PRKG1: variants seen among roughly 807,000 people sequenced by gnomAD.
PRKG1 encodes protein kinase cGMP-dependent 1.
A neutral mutation model predicts 88.1 loss-of-function variants in PRKG1; 35 were observed. The observed-to-expected ratio is 0.40, with a 90% CI of 0.30 to 0.53. The LOEUF (loss-of-function observed/expected upper bound fraction) is 0.53. Ranked by LOEUF, PRKG1 falls within the 20% of genes least tolerant of loss-of-function variation. PRKG1 has a pLI of 0.59. For synonymous variants in PRKG1, 303 were observed against 292.5 expected (o/e 1.04, Z -0.37); for missense variants, 540 against 839.8 (o/e 0.64, Z 4.41).
At chr10:51,444,159 T>G (rs1393382440) in intron 2 of PRKG1, among the ~76,000 whole-genome samples, 1 of 150,996 alleles carries the variant, frequency 6.6e-6, no homozygotes, top group Non-Finnish European at 1.5e-5. Flanking sequence ...CAGCTGTATA[T>G]TACAGTAACT....
At chr10:51,872,507 A>G (rs981334618) in intron 4 of PRKG1, among the ~76,000 whole-genome samples, 1 of 152,188 alleles carries the variant, frequency 6.6e-6, no homozygotes, top group Admixed American at 6.5e-5. Flanking sequence ...AAATTCAATA[A>G]GGCATTCTTC....
chr10:51,908,270 G>T (rs1779569843), intron 5 of PRKG1: 1 of 152,186 alleles, frequency 6.6e-6, no homozygotes, highest in Admixed American at 6.5e-5. Flanking sequence ...AGATACATTG[G>T]TGGTGTAGGA....
chr10:51,996,801 C>T (rs956409427), intron 5 of PRKG1, among the ~76,000 whole-genome samples: 4 of 151,924 alleles, frequency 2.6e-5, no homozygotes, highest in Non-Finnish European at 4.4e-5. Context: ...CCAAAGGAAA[C>T]GAAATCAGTA....
chr10:51,561,072 C>A (rs1407611269), intron 3 of PRKG1, among the ~76,000 whole-genome samples: 1 of 150,726 alleles, frequency 6.6e-6, no homozygotes, highest in African/African-American at 2.4e-5. Context: ...CATAGTGAGA[C>A]CCTGTATCTA....
At chr10:52,245,492 G>A (rs1054410711) in intron 9 of PRKG1, among the ~76,000 whole-genome samples, 2 of 152,090 alleles carry the variant, frequency 1.3e-5, no homozygotes, top group Non-Finnish European at 2.9e-5. Flanking sequence ...ATGCTCTCTT[G>A]TAGCATTTTA....
chr10:51,016,484 A>G (rs1412611172), intron 1 of PRKG1, among the ~76,000 whole-genome samples: 3 of 151,908 alleles, frequency 2.0e-5, no homozygotes, highest in Non-Finnish European at 4.4e-5. Context: ...GGAAAATGCT[A>G]TTTTCCTTTT....
At chr10:51,875,526 G>A (rs145460697) in intron 4 of PRKG1, among the ~76,000 whole-genome samples, 93 of 152,174 alleles carry the variant, frequency 6.1e-4, no homozygotes, top group African/African-American at 2.0e-3. Context: ...TCCAGCTTCA[G>A]CCTCCCAAGT....
chr10:51,238,304 G>A (rs564144499), intron 2 of PRKG1, among the ~76,000 whole-genome samples: 8 of 152,188 alleles, frequency 5.3e-5, no homozygotes, highest in African/African-American at 1.9e-4. Context: ...GTATTGGCCC[G>A]GCGAGATGGC....
At chr10:51,210,622 G>T (rs1010568589) in intron 2 of PRKG1, among the ~76,000 whole-genome samples, 1 of 152,164 alleles carries the variant, frequency 6.6e-6, no homozygotes, top group African/African-American at 2.4e-5. Context: ...AATAAAAAAT[G>T]ACAAAGGGGT....
chr10:51,244,856 T>C (rs1839248636), intron 2 of PRKG1: 1 of 151,956 alleles, frequency 6.6e-6, no homozygotes, highest in Non-Finnish European at 1.5e-5. Flanking sequence ...TTTTTTTTTT[T>C]CTACAACCGA....
chr10:51,565,792 C>T (rs1368848094), intron 3 of PRKG1, among the ~76,000 whole-genome samples: 3 of 148,962 alleles, frequency 2.0e-5, no homozygotes, highest in African/African-American at 7.8e-5. Context: ...AAGACATTTA[C>T]TTTTGGTGAA....
chr10:51,883,106 AG>A lies in PRKG1; in HGVS notation c.699-24398del, dbSNP rs1426109438. Reference sequence around the variant, plus strand: ...CTGAATAGAACAAAAAGGTGGAAAAAGGGCAAACTGTCTCTTCCTGAGGGAC... The same window carrying A: ...CTGAATAGAACAAAAAGGTGGAAAAAGGCAAACTGTCTCTTCCTGAGGGAC... On this transcript the variant is annotated intron_variant, in intron 4 of 17. Transcript: ENST00000373980. 5.3e-5 allele frequency among the ~76,000 whole-genome samples: 8 copies of A among 152,316 alleles called. No homozygotes were observed. The East Asian group carries it at 1.5e-3, about 29-fold the overall frequency.
intron 2 of PRKG1, among the ~76,000 whole-genome samples, chr10:51,234,637 T>G (rs1466702157): frequency 6.6e-6 from 1 of 152,178 alleles, no homozygotes; most frequent in Non-Finnish European, 1.5e-5. Flanking sequence ...ATAATTTTCT[T>G]TCAGCAACAA....
chr10:52,239,444 T>G (rs1314520111), intron 9 of PRKG1, among the ~76,000 whole-genome samples: 1 of 147,276 alleles, frequency 6.8e-6, no homozygotes, highest in Non-Finnish European at 1.5e-5. Context: ...ACTGCTATAA[T>G]TTTTCATGTT....
chr10:51,160,483 T>C (rs1180357013), intron 2 of PRKG1, among the ~76,000 whole-genome samples: 1 of 152,192 alleles, frequency 6.6e-6, no homozygotes. Context: ...TATGTGAAAC[T>C]TCAAATTTGT....
Position 51,836,397 on chromosome 10 carries a change from G to A in PRKG1, c.698+31707G>A, listed in dbSNP as rs560148020. On this transcript the variant is annotated intron_variant, in intron 4 of 17. Coordinates refer to ENST00000373980, the MANE Select transcript of PRKG1 (RefSeq NM_006258.4). ...TCTTCACTTTATTGTTTTCTTGGCT[G>A]GCAGAAGGCTTTTTAGTTTGTTGCA... Among the ~76,000 whole-genome samples the A allele has an allele frequency of 6.4e-4, 97 of 152,132 alleles. 1 individual carries two copies. Among genetic ancestry groups the A allele is most frequent in the South Asian group, 5.8e-3 (28 of 4,816 alleles).
chr10:52,181,117 G>A (rs114288909), intron 9 of PRKG1, among the ~76,000 whole-genome samples: 1 of 152,134 alleles, frequency 6.6e-6, no homozygotes, highest in African/African-American at 2.4e-5. Flanking sequence ...GGGCTTGTCT[G>A]CTAGTGACAG....
chr10:51,180,197 G>A, intron 2 of PRKG1, among the ~76,000 whole-genome samples: 1 of 152,284 alleles, frequency 6.6e-6, no homozygotes, highest in African/African-American at 2.4e-5. Context: ...CTGTCTCTCT[G>A]AGGGTACGTT....
chr10:52,127,921 A>C, intron 7 of PRKG1: 3 of 697,832 alleles, frequency 4.3e-6, no homozygotes, highest in Non-Finnish European at 5.3e-6. Flanking sequence ...TTTATCTGCC[A>C]AGGGATCCAA....
Sources: allele counts gnomAD v4.1 joint callset (sites outside exome capture counted in the v4.1 genomes callset), GRCh38; gene constraint gnomAD v4.1.1; transcripts MANE v1.5; gene names NCBI Gene and HGNC (gene_info 2026-07-23, HGNC 2026-07-21).